Variants in PAFAH2 observed in about 807,000 individuals in gnomAD.
PAFAH2 encodes the protein platelet-activating factor acetylhydrolase 2, cytoplasmic.
In PAFAH2, 42 loss-of-function variants were observed where a neutral mutation model predicts 49.0. The observed-to-expected ratio is 0.86, with a 90% CI of 0.67 to 1.11. The LOEUF is 1.11. Among genes scored for constraint, PAFAH2 ranks in the 50% least tolerant of loss-of-function variants. The probability of loss-of-function intolerance (pLI) is 0.00; values close to 1 mark genes in which losing one functional copy is unlikely to be tolerated. For missense variants in PAFAH2, 503 were observed against 501.8 expected (o/e 1.00, Z -0.02); for synonymous variants, 184 against 181.3 (o/e 1.01, Z -0.12).
At chr1:25,981,087 C>T (rs902155906) in intron 7 of PAFAH2, among the ~76,000 whole-genome samples, 1 of 151,866 alleles carries the variant, frequency 6.6e-6, no homozygotes, top group African/African-American at 2.4e-5. Flanking sequence ...ATAGCAAGAC[C>T]CTGTCTCTAA....
rs1250222613 is a variant in PAFAH2 at position 25,972,630 on chromosome 1, C to T, written c.1012G>A (p.Gly338Arg). 6 of 1,613,920 alleles carry T rather than the reference C, an allele frequency of 3.7e-6. No homozygotes were observed. The Admixed American group carries it at 8.3e-5, about 22-fold the overall frequency. Residue 338 changes from glycine (G) to arginine (R), a missense_variant, in exon 10 of 11, where the codon GGG becomes AGG. Gly to Arg is a moderately radical substitution (Grantham distance 125, BLOSUM62 -2). Coordinates refer to ENST00000374282, the MANE Select transcript of PAFAH2 (RefSeq NM_000437.4). ...IGKFFSTETR[G>R]SLDPYEGQEV... ...TGCCCTTCATAGGGGTCCAGGCTCC[C>T]ACGGGTTTCAGTGGAGAAGAATTTA...
chr1:25,977,373 G>A (rs1002701500), intron 7 of PAFAH2, among the ~76,000 whole-genome samples: 2 of 151,554 alleles, frequency 1.3e-5, no homozygotes, highest in Admixed American at 6.6e-5. Context: ...TGAATAGGCC[G>A]GGTGTGGTGG....
In PAFAH2 at chr1:25,962,018, C is replaced by T. The variant is rs1488242163; in HGVS notation, c.1150G>A (p.Gly384Arg). The T allele has an allele frequency of 1.2e-6, 2 of 1,613,910 alleles. No homozygotes were observed. The highest frequency in any genetic ancestry group is 1.7e-6 in the Non-Finnish European group (2 of 1,179,946). The change falls in exon 11 of 11, where the codon GGG (glycine) becomes AGG (arginine). Residue 384 changes from glycine to arginine, a missense_variant. Gly to Arg is a moderately radical substitution (Grantham distance 125). Transcript: ENST00000374282. ...AGGCTGGACAGATGGTGGGGGGCCC[C>T]TGGGGTGAGCGACGGTCCAATGCCT... Reference protein sequence around the residue: ...IEGIGPSLTPGAPHHLSSL With the variant: ...IEGIGPSLTPRAPHHLSSL
At chr1:25,973,446 T>C (rs2049539525) in intron 9 of PAFAH2, among the ~76,000 whole-genome samples, 1 of 152,122 alleles carries the variant, frequency 6.6e-6, no homozygotes, top group Non-Finnish European at 1.5e-5. Context: ...AAAAGGTGTA[T>C]AGAATAATAT....
chr1:25,996,351 C>G (rs757223472), intron 1 of PAFAH2, among the ~76,000 whole-genome samples: 1 of 152,064 alleles, frequency 6.6e-6, no homozygotes, highest in African/African-American at 2.4e-5. Context: ...GGTGACAGAG[C>G]GAGGTCTTGT....
At chr1:25,985,825 T>TG (rs1451810125) in intron 4 of PAFAH2, among the ~76,000 whole-genome samples, 9 of 152,262 alleles carry the variant, frequency 5.9e-5, no homozygotes, top group African/African-American at 2.2e-4. Context: ...TCTATGTTCC[T>TG]GCTCCTCTAG....
intron 8 of PAFAH2, among the ~76,000 whole-genome samples, chr1:25,975,016 T>C (rs1199207726): frequency 6.6e-6 from 1 of 152,148 alleles, no homozygotes; most frequent in Non-Finnish European, 1.5e-5. Context: ...AAATGAGTGT[T>C]CCTGCTTTCA....
chr1:25,970,967 T>C (rs942681935), intron 10 of PAFAH2, among the ~76,000 whole-genome samples: 2 of 152,110 alleles, frequency 1.3e-5, no homozygotes, highest in African/African-American at 4.8e-5. Flanking sequence ...ACATGGGGAA[T>C]TGAACCGGGA....
chr1:25,994,787 G>A (rs1029322438), intron 1 of PAFAH2, among the ~76,000 whole-genome samples: 3 of 152,104 alleles, frequency 2.0e-5, no homozygotes, highest in African/African-American at 7.2e-5. Flanking sequence ...CAGGATAAGC[G>A]GACTTGGAAA....
At chr1:25,984,151 C>T in intron 5 of PAFAH2, 64 bp from the exon 6 acceptor site, 1 of 1,588,964 alleles carries the variant, frequency 6.3e-7, no homozygotes, top group South Asian at 1.1e-5. Context: ...TTCCCCTTTA[C>T]CAAAGCCTCC....
intron 4 of PAFAH2, among the ~76,000 whole-genome samples, chr1:25,987,727 A>T (rs2049804541): frequency 6.6e-6 from 1 of 151,892 alleles, no homozygotes; most frequent in Non-Finnish European, 1.5e-5. Context: ...AAAAAAAAAA[A>T]AAAATTTAAA....
chr1:25,982,021 C>CA (rs748065781), intron 7 of PAFAH2, among the ~76,000 whole-genome samples: 1,668 of 95,224 alleles, frequency 0.018, 28 homozygotes, highest in African/African-American at 0.056. Context: ...ACTTTGTCTC[C>CA]AAAAAAAAAA....
chr1:25,983,864 G>C, intron 6 of PAFAH2, 82 bp downstream of exon 6: 1 of 1,460,534 alleles, frequency 6.8e-7, no homozygotes. Context: ...TCAAGAGAGG[G>C]TTAACTAAAA....
Position 25,982,490 on chromosome 1 carries a change from C to G in PAFAH2, c.553-13G>C. 1 of 1,591,498 alleles carries G rather than the reference C, an allele frequency of 6.3e-7. No homozygotes were observed. Among genetic ancestry groups the G allele is most frequent in the Non-Finnish European group, 8.6e-7 (1 of 1,159,578 alleles). On this transcript the variant is annotated splice_polypyrimidine_tract_variant and intron_variant, in intron 6 of 10. Transcript: ENST00000374282. ...CCCGCTGATGCACCTGCAACAGAGA[C>G]AGTCCCAGTGGGACTGGAACACTCC...
At chr1:25,965,737 G>A (rs2049409730) in intron 10 of PAFAH2, among the ~76,000 whole-genome samples, 1 of 138,564 alleles carries the variant, frequency 7.2e-6, no homozygotes, top group Admixed American at 7.9e-5. Context: ...AGAATCACTT[G>A]AACCTGGGGG....
intron 9 of PAFAH2, 145 bp from the exon 10 acceptor site, chr1:25,972,857 T>A: frequency 1.2e-6 from 1 of 818,324 alleles, no homozygotes; most frequent in Non-Finnish European, 2.0e-6. Context: ...ATTTTCCCCC[T>A]TGACAGAATC....
Position 25,983,989 on chromosome 1 carries a change from C to T in PAFAH2, c.509G>A (p.Arg170Gln), listed in dbSNP as rs1052470414. The part of the protein sequence containing the change: ...SLQEEWIPFR[R>Q]VEEGEKEFHV... The stretch of plus-strand genomic sequence containing the variant: ...AAATTCCTTCTCCCCTTCCTCAACT[C>T]GACGGAAAGGGATCCATTCCTCCTG... The change falls in exon 6 of 11, where the codon CGA (arginine) becomes CAA (glutamine). Residue 170 changes from arginine to glutamine, a missense_variant. By Grantham distance (43) the Arg-to-Gln change is conservative. Transcript: ENST00000374282. The T allele has an allele frequency of 1.5e-5, 25 of 1,614,040 alleles. No homozygotes were observed. Among genetic ancestry groups the T allele is most frequent in the Non-Finnish European group, 1.4e-5 (17 of 1,180,038 alleles).
chr1:25,965,069 G>C (rs2049399333), intron 10 of PAFAH2, among the ~76,000 whole-genome samples: 1 of 152,086 alleles, frequency 6.6e-6, no homozygotes, highest in African/African-American at 2.4e-5. Flanking sequence ...CAGAAAAATA[G>C]ATAAATGAAA....
chr1:25,994,358 T>C (rs1295217561), intron 1 of PAFAH2, among the ~76,000 whole-genome samples: 2 of 152,046 alleles, frequency 1.3e-5, no homozygotes, highest in African/African-American at 4.8e-5. Context: ...CTCAACCTCT[T>C]GGGCTCAAGC....
Sources: allele counts gnomAD v4.1 joint callset (sites outside exome capture counted in the v4.1 genomes callset), GRCh38; gene constraint gnomAD v4.1.1; transcripts MANE v1.5; gene names NCBI Gene and HGNC (gene_info 2026-07-23, HGNC 2026-07-21).